The following ZNF638 variants were observed in gnomAD, a reference collection of about 807,000 sequenced individuals.
ZNF638 encodes CTCL tumor antigen se33-1.
In ZNF638, 46 loss-of-function variants were observed where a neutral mutation model predicts 195.6. That is an observed-to-expected ratio of 0.24 (90% CI 0.19 to 0.30). ZNF638 has a LOEUF of 0.30. Ranked by LOEUF, ZNF638 falls within the 10% of genes least tolerant of loss-of-function variation. The probability of loss-of-function intolerance (pLI) is 1.00; values close to 1 mark genes in which losing one functional copy is unlikely to be tolerated. For missense variants in ZNF638, 2,440 were observed against 2,325.3 expected, an observed-to-expected ratio of 1.05 and a Z score of -1.01; for synonymous variants, 845 against 772.0, an observed-to-expected ratio of 1.09 and a Z score of -1.57.
At chr2:71,393,295 C>CG (rs551928575) in intron 10 of ZNF638, 130 of 626,820 alleles carry the variant, frequency 2.1e-4, no homozygotes, top group Non-Finnish European at 3.6e-4. Context: ...ACATAAAACC[C>CG]GCAGTTTTAT....
intron 20 of ZNF638, among the ~76,000 whole-genome samples, chr2:71,410,378 T>G (rs9309454): frequency 0.58 from 87,178 of 151,170 alleles, 25,722 homozygotes; most frequent in Non-Finnish European, 0.65. Flanking sequence ...GATTTTTTTT[T>G]TGTGTGTGTG....
intron 1 of ZNF638, among the ~76,000 whole-genome samples, chr2:71,343,145 A>T (rs1224290727): frequency 1.3e-5 from 2 of 152,152 alleles, no homozygotes; most frequent in Non-Finnish European, 2.9e-5. Flanking sequence ...CTTTTCTGAT[A>T]CCTCAGCCTT....
chr2:71,398,577 T>C lies in ZNF638; in HGVS notation c.2429-124T>C. 6 of 788,548 alleles carry C rather than the reference T, an allele frequency of 7.6e-6. No homozygotes were observed. In the South Asian group the frequency reaches 9.0e-5, roughly 12 times the overall value. 48.8% of individuals were successfully genotyped at this position (788,548 alleles called of 1,614,324 possible). ...AAATGGCCTATGTCCCCAAAGATGATAGCATTTTATGTTTTGAATAAAACA... is the reference window on the plus strand; with the variant it reads ...AAATGGCCTATGTCCCCAAAGATGACAGCATTTTATGTTTTGAATAAAACA... On this transcript the variant is annotated intron_variant, in intron 11 of 27. Coordinates refer to ENST00000264447, the MANE Select transcript of ZNF638 (RefSeq NM_014497.5).
In ZNF638 at chr2:71,395,724, C is replaced by T. The variant is rs973306044; in HGVS notation, c.2378-417C>T. On this transcript the variant is annotated intron_variant, in intron 10 of 27. Transcript: ENST00000264447. The stretch of plus-strand genomic sequence containing the variant: ...ATTCTCTCTTTGGTGTCTCTAAGGC[C>T]GAACAGTCCCCTAGCCGCACTCATG... The T allele has an allele frequency of 2.9e-5, 12 of 408,370 alleles. No individual in the cohort carries two copies. In the East Asian group the frequency reaches 4.3e-4, roughly 15 times the overall value. The allele number at this position is 408,370 out of a possible 1,614,324, so 25.3% of individuals were successfully genotyped here. A position where few individuals can be genotyped will look rare whatever the true frequency, so the allele number is the denominator to read the frequency against.
rs538178006 is a variant in ZNF638 at position 71,392,926 on chromosome 2, G to A, written c.2378-3215G>A. Among the ~76,000 whole-genome samples the A allele has an allele frequency of 4.1e-4, 62 of 152,186 alleles. 1 individual carries two copies. Among genetic ancestry groups the A allele is most frequent in the African/African-American group, 1.1e-3 (46 of 41,514 alleles). ...TGATACCAGTTCCTACCTAATTAGC[G>A]CACATGCTCTTCCTGGAGAGTCCAC... is the stretch of plus-strand genomic sequence containing the variant. On this transcript the variant is annotated intron_variant, in intron 10 of 27. Transcript: ENST00000264447.
intron 8 of ZNF638, 45 bp from the exon 9 acceptor site, chr2:71,380,177 G>A: frequency 8.4e-7 from 1 of 1,194,256 alleles, no homozygotes; most frequent in Non-Finnish European, 1.2e-6. Flanking sequence ...TTTCTAAATT[G>A]CTTTATACTA....
At chr2:71,364,378 C>A (rs754137246) in intron 5 of ZNF638, 126 bp downstream of exon 5, 56 of 997,358 alleles carry the variant, frequency 5.6e-5, no homozygotes, top group Non-Finnish European at 7.3e-5. Flanking sequence ...AAATCTGACC[C>A]ACATGCCACA....
Position 71,408,159 on chromosome 2 carries a change from C to A in ZNF638, c.3173C>A (p.Ser1058Ter). ...TTAGATAGTCCTGAATCTGCTCAGT[C>A]AATGTATAGCTTTCTGAAACAAAAT... ...LQLDSPESAQSMYSFLKQNPQ... is the reference protein window; with the variant it reads ...LQLDSPESAQ The change falls in exon 20 of 28, where the codon TCA (serine) becomes TAA (stop). Residue 1058 changes from serine (S) to a stop codon, truncating the protein, a stop_gained. Transcript: ENST00000264447. LOFTEE classifies it high-confidence loss of function. 1 of 1,613,136 alleles carries A rather than the reference C, an allele frequency of 6.2e-7. No individual in the cohort carries two copies. Among genetic ancestry groups the A allele is most frequent in the South Asian group, 1.1e-5 (1 of 90,982 alleles).
Position 71,334,291 on chromosome 2 carries a change from A to C in ZNF638, c.-203+2416A>C, listed in dbSNP as rs551511140. Among the ~76,000 whole-genome samples, 9 of 152,340 alleles carry C rather than the reference A, an allele frequency of 5.9e-5. No individual in the cohort carries two copies. The South Asian group carries it at 1.7e-3, about 28-fold the overall frequency. Reference sequence around the variant, plus strand: ...TAAATTTGTCCAAATCCTTAATAAAATGCCTTATATACTTAGAAACAGTAC... The same window carrying C: ...TAAATTTGTCCAAATCCTTAATAAACTGCCTTATATACTTAGAAACAGTAC... On this transcript the variant is annotated intron_variant, in intron 1 of 27. Transcript: ENST00000264447.
At chr2:71,398,807 A>G (rs755259158) in intron 12 of ZNF638, 35 bp downstream of exon 12, 3 of 1,515,620 alleles carry the variant, frequency 2.0e-6, no homozygotes, top group Admixed American at 3.7e-5. Flanking sequence ...TTTATTGTTT[A>G]TTCTTTATTT....
chr2:71,345,722 C>G (rs1027158418), intron 1 of ZNF638, among the ~76,000 whole-genome samples: 1 of 152,142 alleles, frequency 6.6e-6, no homozygotes, highest in Non-Finnish European at 1.5e-5. Context: ...CCAGGCTGGT[C>G]TTGAACCCCT....
chr2:71,426,919 G>A lies in ZNF638; in HGVS notation c.5050G>A (p.Asp1684Asn). 1 of 1,614,138 alleles carries A rather than the reference G, an allele frequency of 6.2e-7. No homozygotes were observed. The highest frequency in any genetic ancestry group is 1.7e-5 in the Admixed American group (1 of 60,020). ...CAAACAGGAACGCTTGGTAACTGTG[G>A]ATGAAATTGGAGAAGTGGAAGAGCT... Reference protein sequence around the residue: ...LLKQERLVTVDEIGEVEELPL... With the variant: ...LLKQERLVTVNEIGEVEELPL... The change falls in exon 24 of 28, where the codon GAT (aspartate) becomes AAT (asparagine). Residue 1684 changes from aspartate (D) to asparagine (N), a missense_variant. This residue lies in a region of ZNF638 where 1,883 missense variants were observed against 1,739.1 expected (regional missense o/e 1.08). Coordinates refer to ENST00000264447, the MANE Select transcript of ZNF638 (RefSeq NM_014497.5).
intron 10 of ZNF638, among the ~76,000 whole-genome samples, chr2:71,392,505 A>G (rs1453147139): frequency 6.6e-6 from 1 of 151,764 alleles, no homozygotes; most frequent in African/African-American, 2.4e-5. Context: ...CATTAAGTCC[A>G]CTCTCGAGCC....
intron 3 of ZNF638, among the ~76,000 whole-genome samples, chr2:71,359,452 G>A (rs988468631): frequency 1.3e-5 from 2 of 152,140 alleles, no homozygotes; most frequent in African/African-American, 4.8e-5. Flanking sequence ...CCATCTATTT[G>A]TACCATCTGG....
At chr2:71,427,607 C>T (rs564206821) in intron 24 of ZNF638, among the ~76,000 whole-genome samples, 193 bp downstream of exon 24, 1 of 152,194 alleles carries the variant, frequency 6.6e-6, no homozygotes, top group African/African-American at 2.4e-5. Context: ...AGTTTTACAG[C>T]AGAACTTGCT....
At chr2:71,408,820 A>G in intron 20 of ZNF638, 1 of 353,400 alleles carries the variant, frequency 2.8e-6, no homozygotes, top group Non-Finnish European at 5.6e-6. Flanking sequence ...TTGTGTTGTC[A>G]ATCTGTTAAA....
rs2079183925 is a variant in ZNF638 at position 71,365,678 on chromosome 2, C to G, written c.1967C>G (p.Ser656Cys). ...ACTTTGTCAGAATGTAAACAGGTGT[C>G]TGATAAAGCTGTTTCTCTCCAGCGA... ...DDTLSECKQV[S>C]DKAVSLQRKL... is the part of the protein sequence containing the mutation. The change falls in exon 6 of 28, where the codon TCT becomes TGT. Residue 656 changes from serine to cysteine, a missense_variant. Transcript: ENST00000264447. The G allele has an allele frequency of 2.5e-6, 4 of 1,612,184 alleles. No individual in the cohort carries two copies. The highest frequency in any genetic ancestry group is 2.7e-5 in the African/African-American group (2 of 74,802).
intron 5 of ZNF638, among the ~76,000 whole-genome samples, chr2:71,365,187 A>C (rs2079174915): frequency 6.6e-6 from 1 of 152,236 alleles, no homozygotes; most frequent in Non-Finnish European, 1.5e-5. Flanking sequence ...AGTAAATATA[A>C]CACAAATCTT....
chr2:71,384,831 A>T (rs1233379448), intron 10 of ZNF638, among the ~76,000 whole-genome samples: 1 of 152,226 alleles, frequency 6.6e-6, no homozygotes, highest in East Asian at 1.9e-4. Context: ...AAATTTTAAA[A>T]TATTTCAGAA....
Sources: gnomAD v4.1 joint callset for allele counts (sites outside exome capture counted in the v4.1 genomes callset) on GRCh38, gnomAD v4.1.1 for gene constraint, gnomAD v4.1.1 regional missense constraint, MANE v1.5 for transcripts, NCBI Gene and HGNC (gene_info 2026-07-23, HGNC 2026-07-21) for gene names.